FHIT: variants seen among roughly 807,000 people sequenced by gnomAD.
The protein encoded by FHIT is fragile histidine triad diadenosine triphosphatase.
A neutral mutation model predicts 17.9 loss-of-function variants in FHIT; 19 were observed. The ratio of observed to expected loss-of-function variants is 1.06; its 90% CI spans 0.74 to 1.56. The LOEUF is 1.56. Ranked by LOEUF, FHIT falls within the 40% of genes most tolerant of loss-of-function variation. The pLI is 0.00. For missense variants in FHIT, 248 were observed against 189.2 expected (o/e 1.31, Z -1.82); for synonymous variants, 81 against 69.7 (o/e 1.16, Z -0.81).
At chr3:60,518,265 C>T (rs185321602) in intron 5 of FHIT, among the ~76,000 whole-genome samples, 9 of 152,060 alleles carry the variant, frequency 5.9e-5, no homozygotes, top group Non-Finnish European at 1.2e-4. Context: ...AGGGTTAATT[C>T]GTAAAAGATC....
chr3:59,926,996 T>C (rs1705693120), intron 7 of FHIT, among the ~76,000 whole-genome samples: 2 of 152,182 alleles, frequency 1.3e-5, no homozygotes, highest in Admixed American at 1.3e-4. Flanking sequence ...ACTGAAGACA[T>C]ATGTCCACAC....
intron 8 of FHIT, among the ~76,000 whole-genome samples, chr3:59,764,430 T>C (rs1406567544): frequency 6.6e-6 from 1 of 152,198 alleles, no homozygotes; most frequent in East Asian, 1.9e-4. Flanking sequence ...CTTTCTACAA[T>C]AGGATCATTC....
At chr3:60,189,737 T>C (rs1000614053) in intron 5 of FHIT, among the ~76,000 whole-genome samples, 1 of 152,230 alleles carries the variant, frequency 6.6e-6, no homozygotes, top group Non-Finnish European at 1.5e-5. Context: ...CTCTCTGACA[T>C]TTACCCACGT....
chr3:60,684,315 T>G (rs1363045239), intron 4 of FHIT, among the ~76,000 whole-genome samples: 1 of 152,112 alleles, frequency 6.6e-6, no homozygotes, highest in African/African-American at 2.4e-5. Flanking sequence ...TTTAATCATA[T>G]CTGCAAGGAC....
intron 5 of FHIT, among the ~76,000 whole-genome samples, chr3:60,307,733 T>C (rs1708744757): frequency 6.6e-6 from 1 of 152,094 alleles, no homozygotes; most frequent in Non-Finnish European, 1.5e-5. Context: ...CTGAAGCCAG[T>C]GTTGACCCTG....
intron 5 of FHIT, among the ~76,000 whole-genome samples, chr3:60,101,119 C>T (rs568725954): frequency 9.8e-5 from 15 of 152,324 alleles, no homozygotes; most frequent in African/African-American, 3.1e-4. Context: ...ACCTGCCGGC[C>T]CCCGCTCCCT....
chr3:60,611,586 C>A (rs555765931), intron 4 of FHIT, among the ~76,000 whole-genome samples: 3 of 152,138 alleles, frequency 2.0e-5, no homozygotes, highest in Non-Finnish European at 4.4e-5. Context: ...AGCATGAGAG[C>A]AATACGTGTT....
intron 5 of FHIT, among the ~76,000 whole-genome samples, chr3:60,435,680 G>A (rs972133974): frequency 3.9e-5 from 6 of 151,920 alleles, no homozygotes; most frequent in Admixed American, 1.3e-4. Context: ...TAAGTTAAGG[G>A]GTACATGTGC....
chr3:59,833,040 G>A (rs548316520), intron 8 of FHIT, among the ~76,000 whole-genome samples: 14 of 152,200 alleles, frequency 9.2e-5, no homozygotes, highest in Non-Finnish European at 1.9e-4. Flanking sequence ...CTTATATCAG[G>A]TCTCCTCACT....
At chr3:60,049,332 T>A (rs902280950) in intron 5 of FHIT, among the ~76,000 whole-genome samples, 1 of 152,214 alleles carries the variant, frequency 6.6e-6, no homozygotes, top group African/African-American at 2.4e-5. Context: ...ACCGGGCATT[T>A]GAAATACGGC....
chr3:60,795,852 G>C (rs1700962968), intron 4 of FHIT, among the ~76,000 whole-genome samples: 1 of 152,060 alleles, frequency 6.6e-6, no homozygotes, highest in Admixed American at 6.6e-5. Context: ...CTAACTTTTT[G>C]AGTAAGTGAA....
intron 2 of FHIT, among the ~76,000 whole-genome samples, chr3:61,047,923 T>C (rs991544839): frequency 1.4e-5 from 2 of 146,530 alleles, no homozygotes; most frequent in Non-Finnish European, 3.0e-5. Context: ...GCTAGCCATA[T>C]GTAGAAAGCT....
intron 1 of FHIT, among the ~76,000 whole-genome samples, chr3:61,242,158 T>A (rs890230720): frequency 1.3e-4 from 19 of 151,994 alleles, no homozygotes; most frequent in Non-Finnish European, 5.9e-5. Context: ...TTTCTATGAG[T>A]CAGAAAAACA....
chr3:59,888,674 T>G (rs1559700591), intron 8 of FHIT, among the ~76,000 whole-genome samples: 1 of 152,214 alleles, frequency 6.6e-6, no homozygotes, highest in Non-Finnish European at 1.5e-5. Context: ...GGGCTATGAC[T>G]GGGTCCTAGT....
chr3:61,051,089 T>C (rs1217640957), intron 2 of FHIT, among the ~76,000 whole-genome samples: 1 of 152,064 alleles, frequency 6.6e-6, no homozygotes, highest in African/African-American at 2.4e-5. Flanking sequence ...ATGACATATA[T>C]CCCAATTTCA....
At chr3:60,277,910 A>T (rs1418490313) in intron 5 of FHIT, among the ~76,000 whole-genome samples, 5 of 152,166 alleles carry the variant, frequency 3.3e-5, no homozygotes, top group Non-Finnish European at 7.4e-5. Flanking sequence ...CAAGAAAAAT[A>T]TTTACGACAA....
intron 3 of FHIT, among the ~76,000 whole-genome samples, chr3:60,871,397 CT>C (rs1380361650): frequency 3.9e-5 from 6 of 152,076 alleles, no homozygotes; most frequent in Non-Finnish European, 8.8e-5. Flanking sequence ...TATCAAACTA[CT>C]CAGCAAAAGG....
At chr3:60,751,783 A>G (rs1553716914) in intron 4 of FHIT, among the ~76,000 whole-genome samples, 1 of 152,230 alleles carries the variant, frequency 6.6e-6, no homozygotes, top group African/African-American at 2.4e-5. Flanking sequence ...TCCAAAGGAA[A>G]CAACTTGTGA....
chr3:60,356,771 A>C (rs963392749), intron 5 of FHIT, among the ~76,000 whole-genome samples: 1 of 143,982 alleles, frequency 6.9e-6, no homozygotes, highest in Non-Finnish European at 1.5e-5. Flanking sequence ...AAAAAAAAAA[A>C]AAAAAAAAAC....
Sources: allele counts gnomAD v4.1 joint callset (sites outside exome capture counted in the v4.1 genomes callset), GRCh38; gene constraint gnomAD v4.1.1; transcripts MANE v1.5; gene names NCBI Gene and HGNC (gene_info 2026-07-23, HGNC 2026-07-21).